Variants in PHF24 observed in about 807,000 individuals in gnomAD.
The protein encoded by PHF24 is Galpha inhibitory interacting protein.
Under a neutral mutation model 42.6 loss-of-function variants are expected in PHF24, and 25 were observed. That is an observed-to-expected ratio of 0.59 (90% CI 0.43 to 0.82). PHF24 has a LOEUF of 0.82. PHF24 is among the 40% of genes least tolerant of loss of function. The pLI is 0.00. For missense variants in PHF24, 470 were observed against 538.1 expected (o/e 0.87, Z 1.25); for synonymous variants, 185 against 204.8 (o/e 0.90, Z 0.83).
chr9:34,706,442 G>A, the PHF24 span, among the ~76,000 whole-genome samples: 11 of 152,246 alleles, frequency 7.2e-5, no homozygotes, highest in East Asian at 1.3e-3. Context: ...AGGAAATTAT[G>A]TTATTCAGAA....
the PHF24 span, among the ~76,000 whole-genome samples, chr9:34,874,683 G>A: frequency 6.6e-6 from 1 of 152,094 alleles, no homozygotes; most frequent in Non-Finnish European, 1.5e-5. Context: ...ATTTAGATAT[G>A]CCTGCAGGTC....
chr9:34,875,934 A>ACTCTCT, the PHF24 span, among the ~76,000 whole-genome samples: 547 of 77,710 alleles, frequency 7.0e-3, 3 homozygotes, highest in Non-Finnish European at 9.6e-3. Context: ...ACACACACAC[A>ACTCTCT]CACACACACA....
chr9:34,844,018 T>G, the PHF24 span, among the ~76,000 whole-genome samples: 2 of 152,192 alleles, frequency 1.3e-5, no homozygotes, highest in Non-Finnish European at 2.9e-5. Flanking sequence ...TCATGATTCC[T>G]TCTTGGTAGA....
the PHF24 span, among the ~76,000 whole-genome samples, chr9:34,829,209 T>TTAC: frequency 2.0e-5 from 3 of 152,158 alleles, no homozygotes; most frequent in Non-Finnish European, 2.9e-5. Flanking sequence ...TTGCCCTGAA[T>TTAC]TACTGGAAAG....
the PHF24 span, among the ~76,000 whole-genome samples, chr9:34,775,237 G>C: frequency 6.6e-6 from 1 of 152,146 alleles, no homozygotes; most frequent in Non-Finnish European, 1.5e-5. Flanking sequence ...TCTAATACAT[G>C]CTACAACATG....
the PHF24 span, among the ~76,000 whole-genome samples, chr9:34,819,064 CT>C: frequency 6.6e-6 from 1 of 152,042 alleles, no homozygotes; most frequent in Non-Finnish European, 1.5e-5. Flanking sequence ...TTTATTTAAT[CT>C]GTTAAATTTG....
the PHF24 span, among the ~76,000 whole-genome samples, chr9:34,935,806 A>C: frequency 4.3e-4 from 66 of 151,998 alleles, 1 homozygote; most frequent in South Asian, 5.2e-3. Context: ...GAGAATGCGA[A>C]AATTATCCAG....
chr9:34,976,816 G>A (rs1366154472), intron 5 of PHF24, 76 bp downstream of exon 5: 2 of 1,291,386 alleles, frequency 1.5e-6, no homozygotes, highest in Non-Finnish European at 1.1e-6. Context: ...GCAGATTGGG[G>A]GAGCACTGGG....
chr9:34,676,207 C>T, the PHF24 span, among the ~76,000 whole-genome samples: 1 of 152,046 alleles, frequency 6.6e-6, no homozygotes, highest in African/African-American at 2.4e-5. Flanking sequence ...GAAGAAGTGG[C>T]GCAGATACCA....
the PHF24 span, among the ~76,000 whole-genome samples, chr9:34,775,869 C>T: frequency 6.6e-6 from 1 of 152,140 alleles, no homozygotes; most frequent in African/African-American, 2.4e-5. Context: ...CACTGAATAT[C>T]CATTCATTGT....
the PHF24 span, among the ~76,000 whole-genome samples, chr9:34,846,193 T>A: frequency 7.2e-5 from 11 of 152,340 alleles, 1 homozygote; most frequent in South Asian, 2.3e-3. Context: ...CCACAATGGT[T>A]GAACTAGTTT....
At chr9:34,922,268 C>A in the PHF24 span, 1 of 1,592,014 alleles carries the variant, frequency 6.3e-7, no homozygotes, top group Non-Finnish European at 8.6e-7. Flanking sequence ...TCAGTAATTG[C>A]ATTATTAGTG....
the PHF24 span, among the ~76,000 whole-genome samples, chr9:34,911,036 C>A: frequency 6.5e-4 from 99 of 152,198 alleles, no homozygotes; most frequent in African/African-American, 2.3e-3. Context: ...GTTGCTCAGA[C>A]TAGTCTTGAA....
At chr9:34,749,593 T>G in the PHF24 span, among the ~76,000 whole-genome samples, 1 of 128,950 alleles carries the variant, frequency 7.8e-6, no homozygotes, top group Non-Finnish European at 1.7e-5. Context: ...TCAGTTCTCT[T>G]GTTATTCATT....
the PHF24 span, among the ~76,000 whole-genome samples, chr9:34,797,506 C>T: frequency 6.6e-6 from 1 of 152,148 alleles, no homozygotes; most frequent in African/African-American, 2.4e-5. Flanking sequence ...CCCCCGGAGT[C>T]GGGCAGCTCA....
the PHF24 span, among the ~76,000 whole-genome samples, chr9:34,882,365 C>A: frequency 7.1e-3 from 1,086 of 152,180 alleles, 14 homozygotes; most frequent in African/African-American, 0.025. Flanking sequence ...CTGGCCAGGG[C>A]AATCAGGCAG....
intron 1 of PHF24, among the ~76,000 whole-genome samples, chr9:34,968,942 G>A (rs1197947011): frequency 6.6e-6 from 1 of 152,220 alleles, no homozygotes; most frequent in African/African-American, 2.4e-5. Flanking sequence ...TGAGCACTCC[G>A]ACCTGGACTG....
chr9:34,893,116 T>C, the PHF24 span: 6 of 846,588 alleles, frequency 7.1e-6, no homozygotes, highest in Non-Finnish European at 1.0e-5. Flanking sequence ...CACACAGGAT[T>C]CGCCGCACAC....
the PHF24 span, among the ~76,000 whole-genome samples, chr9:34,927,025 C>T: frequency 6.6e-6 from 1 of 152,158 alleles, no homozygotes; most frequent in Non-Finnish European, 1.5e-5. Flanking sequence ...GGCTGTTTCT[C>T]CGGTCCTGAG....
Sources: allele counts gnomAD v4.1 joint callset (sites outside exome capture counted in the v4.1 genomes callset), GRCh38; gene constraint gnomAD v4.1.1; transcripts MANE v1.5; gene names NCBI Gene and HGNC (gene_info 2026-07-23, HGNC 2026-07-21).